ZBTB20: variants seen among roughly 807,000 people sequenced by gnomAD.
ZBTB20 encodes the protein zinc finger and BTB domain-containing protein 20.
In ZBTB20, 9 loss-of-function variants were observed where a neutral mutation model predicts 56.9. The observed-to-expected ratio is 0.16, with a 90% confidence interval of 0.10 to 0.28. The LOEUF is 0.28. Among genes scored for constraint, ZBTB20 ranks in the 10% least tolerant of loss-of-function variants. The probability of loss-of-function intolerance (pLI) is 1.00; values close to 1 mark genes in which losing one functional copy is unlikely to be tolerated. For synonymous variants in ZBTB20, 417 were observed against 420.7 expected (o/e 0.99, Z 0.11); for missense variants, 655 against 1,003.0 (o/e 0.65, Z 4.69).
At chr3:114,844,550 A>AAAAAAAAAC (rs1560313393) in intron 4 of ZBTB20, among the ~76,000 whole-genome samples, 3 of 141,576 alleles carry the variant, frequency 2.1e-5, no homozygotes, top group African/African-American at 8.2e-5. Context: ...AAAAAAAAAA[A>AAAAAAAAAC]AACTTTCATT....
intron 6 of ZBTB20, among the ~76,000 whole-genome samples, chr3:114,605,553 G>C (rs1045717644): frequency 5.9e-5 from 9 of 152,310 alleles, no homozygotes; most frequent in Non-Finnish European, 1.2e-4. Context: ...GAAATGCAGA[G>C]ACAAAAGACA....
intron 7 of ZBTB20, among the ~76,000 whole-genome samples, chr3:114,481,494 G>A (rs747973043): frequency 6.6e-6 from 1 of 151,876 alleles, no homozygotes; most frequent in Non-Finnish European, 1.5e-5. Flanking sequence ...ATCCCTCCCC[G>A]ATTTGCTTGC....
intron 7 of ZBTB20, among the ~76,000 whole-genome samples, chr3:114,395,352 C>T (rs1333281469): frequency 1.3e-5 from 2 of 151,952 alleles, no homozygotes; most frequent in South Asian, 2.1e-4. Context: ...TGATGACCTC[C>T]GATGAGACAT....
In ZBTB20 at chr3:114,523,344, A is replaced by G. The variant is rs571109022; in HGVS notation, c.-294-22953T>C. ...AACTAGAGGGGCAAAAGAGAACCAG[A>G]GCATAGGATTGGAGAGTGTTTATAG... On this transcript the variant is annotated intron_variant, in intron 6 of 11. Coordinates refer to ENST00000675478, the MANE Select transcript of ZBTB20 (RefSeq NM_001348800.3). Among the ~76,000 whole-genome samples the G allele has an allele frequency of 8.5e-4, 129 of 152,290 alleles. 1 individual carries two copies. Among genetic ancestry groups the G allele is most frequent in the African/African-American group, 2.8e-3 (115 of 41,552 alleles).
chr3:114,965,241 G>A (rs2077603652), intron 3 of ZBTB20, among the ~76,000 whole-genome samples: 1 of 152,094 alleles, frequency 6.6e-6, no homozygotes. Context: ...ACTAAAAGTT[G>A]TATATACTTA....
chr3:114,727,347 T>G (rs1578558277), intron 5 of ZBTB20, among the ~76,000 whole-genome samples: 2 of 152,236 alleles, frequency 1.3e-5, no homozygotes, highest in East Asian at 3.8e-4. Flanking sequence ...CATTTTGTAC[T>G]TGGGCTGCAC....
chr3:114,587,722 T>C (rs756195580), intron 6 of ZBTB20, among the ~76,000 whole-genome samples: 15 of 152,336 alleles, frequency 9.8e-5, no homozygotes, highest in Non-Finnish European at 1.5e-4. Flanking sequence ...CTCTTAACCA[T>C]AGAAGAACGA....
At chr3:114,781,207 T>C (rs1436003547) in intron 5 of ZBTB20, among the ~76,000 whole-genome samples, 3 of 152,150 alleles carry the variant, frequency 2.0e-5, no homozygotes, top group Admixed American at 6.5e-5. Context: ...TCCTTGACCT[T>C]GGGCAAATTT....
chr3:114,345,867 C>A (rs2080143602), intron 11 of ZBTB20, among the ~76,000 whole-genome samples: 1 of 152,206 alleles, frequency 6.6e-6, no homozygotes, highest in East Asian at 1.9e-4. Context: ...CATTTCCATT[C>A]CTTTATTTGA....
chr3:114,386,844 G>A (rs62265734), intron 8 of ZBTB20, among the ~76,000 whole-genome samples: 26 of 152,066 alleles, frequency 1.7e-4, no homozygotes, highest in Non-Finnish European at 3.4e-4. Context: ...CTTTCTGGAA[G>A]GAAAGACAGA....
chr3:114,368,690 G>T (rs527478307), intron 10 of ZBTB20, among the ~76,000 whole-genome samples: 1 of 152,334 alleles, frequency 6.6e-6, no homozygotes, highest in African/African-American at 2.4e-5. Context: ...AGAGTCCAAG[G>T]CCTCCAGGTC....
At chr3:115,052,905 T>C (rs1035079338) in intron 2 of ZBTB20, among the ~76,000 whole-genome samples, 2 of 152,194 alleles carry the variant, frequency 1.3e-5, no homozygotes, top group African/African-American at 4.8e-5. Context: ...ATAATTTTCA[T>C]TCTTTAATTG....
intron 1 of ZBTB20, among the ~76,000 whole-genome samples, chr3:115,114,684 G>C (rs2083970497): frequency 6.6e-6 from 1 of 151,800 alleles, no homozygotes; most frequent in Non-Finnish European, 1.5e-5. Flanking sequence ...TTGGTTTTTG[G>C]CAAGAAAATC....
At chr3:114,387,598 C>T (rs1399889652) in intron 8 of ZBTB20, 1 of 152,220 alleles carries the variant, frequency 6.6e-6, no homozygotes, top group Non-Finnish European at 1.5e-5. Context: ...GATAAGAACT[C>T]TTTTCCCTCT....
chr3:114,350,142 G>T (rs1361698338), intron 11 of ZBTB20, 132 bp downstream of exon 11: 1 of 1,320,192 alleles, frequency 7.6e-7, no homozygotes, highest in East Asian at 2.3e-5. Flanking sequence ...GTTTCTAGAA[G>T]AGGCTTGTGG....
intron 10 of ZBTB20, among the ~76,000 whole-genome samples, chr3:114,379,512 A>C (rs1372396011): frequency 6.6e-6 from 1 of 152,244 alleles, no homozygotes; most frequent in Non-Finnish European, 1.5e-5. Flanking sequence ...AGTGACTCCC[A>C]GATTAGTGGG....
At chr3:114,892,396 G>C (rs530977392) in intron 4 of ZBTB20, among the ~76,000 whole-genome samples, 2 of 152,302 alleles carry the variant, frequency 1.3e-5, no homozygotes, top group East Asian at 3.9e-4. Flanking sequence ...AATGATAAGA[G>C]AGCCCCAAAG....
At chr3:114,362,780 A>C (rs2108342729) in intron 10 of ZBTB20, among the ~76,000 whole-genome samples, 1 of 152,340 alleles carries the variant, frequency 6.6e-6, no homozygotes, top group Admixed American at 6.5e-5. Context: ...TTTGTAATAA[A>C]AAATAAGAAG....
intron 6 of ZBTB20, among the ~76,000 whole-genome samples, chr3:114,549,140 C>T (rs2087541927): frequency 1.3e-5 from 2 of 152,140 alleles, no homozygotes; most frequent in Admixed American, 1.3e-4. Flanking sequence ...GAAACAAAAT[C>T]CTTTTATGAC....
Sources: allele counts gnomAD v4.1 joint callset (sites outside exome capture counted in the v4.1 genomes callset), GRCh38; gene constraint gnomAD v4.1.1; transcripts MANE v1.5; gene names NCBI Gene and HGNC (gene_info 2026-07-23, HGNC 2026-07-21).